GOLGA4: variants seen among roughly 807,000 people sequenced by gnomAD.
GOLGA4 encodes golgin A4.
In GOLGA4, 169 loss-of-function variants were observed where a neutral mutation model predicts 265.9. The observed-to-expected ratio is 0.64, with a 90% confidence interval of 0.56 to 0.72. The LOEUF (loss-of-function observed/expected upper bound fraction) is 0.72. GOLGA4 is among the 30% of genes least tolerant of loss of function. The pLI, the probability that GOLGA4 is intolerant of heterozygous loss-of-function variation, is 0.00. For missense variants in GOLGA4, 2,482 were observed against 2,483.4 expected, an observed-to-expected ratio of 1.00 and a Z score of 0.01; for synonymous variants, 923 against 855.8, an observed-to-expected ratio of 1.08 and a Z score of -1.37.
intron 2 of GOLGA4, among the ~76,000 whole-genome samples, chr3:37,275,028 A>G (rs1341064486): frequency 6.6e-6 from 1 of 151,702 alleles, no homozygotes; most frequent in East Asian, 1.9e-4. Context: ...CCTAACCAAC[A>G]TGGTGAAACC....
intron 1 of GOLGA4, chr3:37,243,879 C>A (rs1194887560): frequency 5.7e-6 from 3 of 523,476 alleles, no homozygotes; most frequent in African/African-American, 1.9e-5. Flanking sequence ...CATTCCATCT[C>A]CGTTAAGAGT....
intron 2 of GOLGA4, among the ~76,000 whole-genome samples, chr3:37,263,747 C>A (rs996365125): frequency 2.0e-5 from 3 of 152,182 alleles, no homozygotes; most frequent in African/African-American, 7.2e-5. Context: ...GCCTTCGACG[C>A]ATATCTGCTG....
At chr3:37,254,651 C>T (rs1005945044) in intron 2 of GOLGA4, among the ~76,000 whole-genome samples, 2 of 151,526 alleles carry the variant, frequency 1.3e-5, no homozygotes, top group Non-Finnish European at 2.9e-5. Flanking sequence ...TGAGACTATT[C>T]GCCACCATGC....
chr3:37,325,972 T>TA lies in GOLGA4; in HGVS notation c.4089dup (p.Glu1364ArgfsTer5). 6.2e-7 allele frequency: 1 copy of TA among 1,612,020 alleles called. No homozygotes were observed. The highest frequency in any genetic ancestry group is 8.5e-7 in the Non-Finnish European group (1 of 1,178,866). The stretch of plus-strand genomic sequence containing the variant: ...CTGTCACATTGATGAAAGAAGAGCT[T>TA]AAAGAAAAAAAAGTTGAGATTAGCA... On this transcript the variant is annotated frameshift_variant, in exon 14 of 24. Transcript: ENST00000361924. LOFTEE classifies it high-confidence loss of function.
intron 2 of GOLGA4, among the ~76,000 whole-genome samples, chr3:37,279,630 A>AGCG (rs2096829293): frequency 6.6e-6 from 1 of 152,138 alleles, no homozygotes; most frequent in African/African-American, 2.4e-5. Context: ...GCAGAGGCCC[A>AGCG]GCGTGTTGGC....
chr3:37,264,502 G>A (rs1190748338), intron 2 of GOLGA4, among the ~76,000 whole-genome samples: 5 of 152,098 alleles, frequency 3.3e-5, no homozygotes, highest in African/African-American at 1.2e-4. Flanking sequence ...ACTTTGAAAT[G>A]TTTTTCCTAT....
chr3:37,347,462 G>GT (rs1222016113), intron 21 of GOLGA4, among the ~76,000 whole-genome samples, 166 bp downstream of exon 21: 11 of 152,080 alleles, frequency 7.2e-5, no homozygotes, highest in African/African-American at 2.7e-4. Context: ...AAGTGAATTG[G>GT]TGGATCTTGC....
chr3:37,350,094 G>A (rs2097069152), intron 21 of GOLGA4, among the ~76,000 whole-genome samples: 1 of 152,112 alleles, frequency 6.6e-6, no homozygotes, highest in South Asian at 2.1e-4. Flanking sequence ...CTCTCCCTAA[G>A]GAATACCTGG....
chr3:37,364,794 G>A (rs572633889), intron 23 of GOLGA4, among the ~76,000 whole-genome samples: 1 of 151,958 alleles, frequency 6.6e-6, no homozygotes, highest in African/African-American at 2.4e-5. Flanking sequence ...GTCTTGCCAT[G>A]TTGCCCAGGC....
At chr3:37,344,302 A>G (rs2097048933) in intron 20 of GOLGA4, among the ~76,000 whole-genome samples, 1 of 152,148 alleles carries the variant, frequency 6.6e-6, no homozygotes, top group South Asian at 2.1e-4. Context: ...GGGTTTCGCC[A>G]TGTTGGCCAG....
chr3:37,362,233 ATTTATTATTTT>A (rs1696346950), intron 23 of GOLGA4, among the ~76,000 whole-genome samples: 1 of 46,738 alleles, frequency 2.1e-5, no homozygotes, highest in South Asian at 6.8e-4. Context: ...TTATTTATTT[ATTTATTATTTT>A]TTTTTTTTTT....
At position 37,324,447 on chromosome 3, in the gene GOLGA4, C is replaced by G. The variant is rs745955176; in HGVS notation, c.2561C>G (p.Thr854Ser). 6.2e-7 allele frequency: 1 copy of G among 1,614,126 alleles called. No individual in the cohort carries two copies. Among genetic ancestry groups the G allele is most frequent in the Non-Finnish European group, 8.5e-7 (1 of 1,179,992 alleles). ...GAAGCACAAAAGAAAGATGTTTGTACTGAGTTAGATGCTCACAAAATCCAG... is the reference window on the plus strand; with the variant it reads ...GAAGCACAAAAGAAAGATGTTTGTAGTGAGTTAGATGCTCACAAAATCCAG... ...EVEAQKKDVC[T>S]ELDAHKIQVQ... The change falls in exon 14 of 24, where the codon ACT becomes AGT. Residue 854 changes from threonine to serine, a missense_variant. Physicochemically the swap from Thr to Ser is moderately conservative, Grantham distance 58 (BLOSUM62 1). Transcript: ENST00000361924.
intron 13 of GOLGA4, among the ~76,000 whole-genome samples, chr3:37,323,195 C>T (rs1468832336): frequency 3.4e-5 from 5 of 144,942 alleles, no homozygotes; most frequent in East Asian, 2.1e-4. Context: ...GGCATGATCT[C>T]GGCTCACTGC....
intron 20 of GOLGA4, among the ~76,000 whole-genome samples, chr3:37,343,012 G>A (rs1426997879): frequency 6.6e-6 from 1 of 152,176 alleles, no homozygotes; most frequent in Non-Finnish European, 1.5e-5. Context: ...CGATTCTTCT[G>A]CCTCAGTTTC....
chr3:37,285,949 T>C (rs959762290), intron 3 of GOLGA4, 65 bp from the exon 4 acceptor site: 1 of 935,766 alleles, frequency 1.1e-6, no homozygotes, highest in African/African-American at 1.6e-5. Context: ...GAGAATTTTT[T>C]AGTGGACTTT....
At chr3:37,293,378 C>A (rs2096869928) in intron 5 of GOLGA4, among the ~76,000 whole-genome samples, 1 of 151,904 alleles carries the variant, frequency 6.6e-6, no homozygotes, top group South Asian at 2.1e-4. Context: ...CTTTTTCTTC[C>A]AGTGTGGACT....
intron 2 of GOLGA4, among the ~76,000 whole-genome samples, chr3:37,267,311 G>C (rs1165597368): frequency 6.6e-6 from 1 of 152,190 alleles, no homozygotes; most frequent in Non-Finnish European, 1.5e-5. Flanking sequence ...AGAATATTTT[G>C]AGATATGACT....
chr3:37,249,538 A>T (rs905801483), intron 1 of GOLGA4, among the ~76,000 whole-genome samples: 1 of 151,960 alleles, frequency 6.6e-6, no homozygotes, highest in African/African-American at 2.4e-5. Context: ...CCTCCTGAGT[A>T]CCTGGGATTA....
intron 4 of GOLGA4, 127 bp from the exon 5 acceptor site, chr3:37,289,108 C>T: frequency 3.4e-6 from 2 of 588,506 alleles, no homozygotes; most frequent in South Asian, 4.9e-5. Context: ...GGCTTGTCCT[C>T]TATCTTCAGG....
Sources: gnomAD v4.1 joint callset for allele counts (sites outside exome capture counted in the v4.1 genomes callset) on GRCh38, gnomAD v4.1.1 for gene constraint, MANE v1.5 for transcripts, NCBI Gene and HGNC (gene_info 2026-07-23, HGNC 2026-07-21) for gene names.